SVIL: variants seen among roughly 807,000 people sequenced by gnomAD.
SVIL encodes supervillin, also known as archvillin.
A neutral mutation model predicts 240.4 loss-of-function variants in SVIL; 101 were observed. That is an observed-to-expected ratio of 0.42 (90% CI 0.36 to 0.50). The LOEUF (loss-of-function observed/expected upper bound fraction) is 0.50, where lower values mean the gene tolerates loss of function less well. Ranked by LOEUF, SVIL falls within the 20% of genes least tolerant of loss-of-function variation. The pLI is 0.01. For synonymous variants in SVIL, 999 were observed against 1,100.0 expected (o/e 0.91, Z 1.82); for missense variants, 2,512 against 2,818.7 (o/e 0.89, Z 2.46).
intron 3 of SVIL, among the ~76,000 whole-genome samples, chr10:29,649,602 C>CA (rs1198270978): frequency 6.6e-6 from 1 of 151,936 alleles, no homozygotes; most frequent in African/African-American, 2.4e-5. Flanking sequence ...ATTTTAGCTT[C>CA]AAAAAAATTG....
intron 1 of SVIL, among the ~76,000 whole-genome samples, chr10:29,606,753 A>AT (rs1327339267): frequency 2.6e-5 from 4 of 151,890 alleles, no homozygotes; most frequent in Non-Finnish European, 2.9e-5. Flanking sequence ...ACATTTAACT[A>AT]TTTTTTTATT....
At chr10:29,572,251 A>AT (rs949538551) in intron 1 of SVIL, among the ~76,000 whole-genome samples, 5 of 152,126 alleles carry the variant, frequency 3.3e-5, no homozygotes, top group Admixed American at 3.3e-4. Context: ...CATTTTTGCC[A>AT]TTTTTCTCTA....
Position 29,555,079 on chromosome 10 carries a change from T to C in SVIL, c.-21A>G, listed in dbSNP as rs1403537816. The C allele has an allele frequency of 1.2e-6, 2 of 1,612,826 alleles. No individual in the cohort carries two copies. The highest frequency in any genetic ancestry group is 1.3e-5 in the African/African-American group (1 of 74,758). On this transcript the variant is annotated 5_prime_UTR_variant, in exon 4 of 38. Coordinates refer to ENST00000355867, the MANE Select transcript of SVIL (RefSeq NM_021738.3). ...TTCATTTCTAAGAATTCTTTCTTCTTTGGTTCAAAGATTTGTCTTAATTCT... is the reference window on the plus strand; with the variant it reads ...TTCATTTCTAAGAATTCTTTCTTCTCTGGTTCAAAGATTTGTCTTAATTCT...
chr10:29,544,552 C>T (rs748334177), intron 6 of SVIL, among the ~76,000 whole-genome samples: 5 of 151,888 alleles, frequency 3.3e-5, no homozygotes, highest in Non-Finnish European at 7.4e-5. Flanking sequence ...ACCAGGAGTT[C>T]CAGACCAGCC....
intron 1 of SVIL, among the ~76,000 whole-genome samples, chr10:29,694,613 T>A (rs538835821): frequency 6.6e-6 from 1 of 152,212 alleles, no homozygotes; most frequent in East Asian, 1.9e-4. Flanking sequence ...GTGTGTGCCA[T>A]CATATCCAGC....
At chr10:29,689,518 T>G (rs1961341923) in intron 1 of SVIL, among the ~76,000 whole-genome samples, 2 of 152,202 alleles carry the variant, frequency 1.3e-5, no homozygotes, top group African/African-American at 2.4e-5. Flanking sequence ...ACTCCTGACC[T>G]CGTGATCTGC....
At chr10:29,622,667 CA>C (rs1957708715) in intron 1 of SVIL, among the ~76,000 whole-genome samples, 1 of 152,154 alleles carries the variant, frequency 6.6e-6, no homozygotes, top group African/African-American at 2.4e-5. Flanking sequence ...CAAAAACAAA[CA>C]AAACGCTATT....
intron 1 of SVIL, among the ~76,000 whole-genome samples, chr10:29,581,427 C>T (rs1302842794): frequency 5.9e-5 from 9 of 152,124 alleles, no homozygotes; most frequent in Non-Finnish European, 8.8e-5. Flanking sequence ...TTTGGACAAG[C>T]GTGCAAATAA....
intron 15 of SVIL, 66 bp downstream of exon 15, chr10:29,523,385 A>G (rs968473699): frequency 5.3e-5 from 77 of 1,441,792 alleles, no homozygotes; most frequent in Non-Finnish European, 6.6e-5. Context: ...TCATAGACAC[A>G]GGACAAATCA....
chr10:29,579,108 C>T (rs1320455963), intron 1 of SVIL, among the ~76,000 whole-genome samples: 1 of 152,172 alleles, frequency 6.6e-6, no homozygotes, highest in Non-Finnish European at 1.5e-5. Flanking sequence ...AGTTCCTGGG[C>T]ATCTAACAGG....
At chr10:29,537,912 G>A (rs1055162969) in intron 6 of SVIL, among the ~76,000 whole-genome samples, 3 of 152,108 alleles carry the variant, frequency 2.0e-5, no homozygotes, top group Non-Finnish European at 4.4e-5. Flanking sequence ...TTTGCCCACA[G>A]CAAATAAAAA....
At position 29,533,138 on chromosome 10, in the gene SVIL, A is replaced by G. The variant is rs1158934887; in HGVS notation, c.1229T>C (p.Leu410Pro). The change falls in exon 8 of 38, where the codon CTA (leucine) becomes CCA (proline). Residue 410 changes from leucine to proline, a missense_variant. By Grantham distance (98) the Leu-to-Pro change is moderately conservative (BLOSUM62 -3). Transcript: ENST00000355867. The stretch of plus-strand genomic sequence containing the variant: ...TGGGCTATCCCTTCCGTCACCTTCT[A>G]GAACCGTCAAGCTGGGAGGTTTGGG... ...NVPKPPSLTV[L>P]EGDGRDSPVL... 6.2e-7 allele frequency: 1 copy of G among 1,614,120 alleles called. No individual in the cohort carries two copies. Among genetic ancestry groups the G allele is most frequent in the Admixed American group, 1.7e-5 (1 of 60,014 alleles).
At chr10:29,540,974 T>C (rs1952106432) in intron 6 of SVIL, among the ~76,000 whole-genome samples, 1 of 152,206 alleles carries the variant, frequency 6.6e-6, no homozygotes, top group Non-Finnish European at 1.5e-5. Flanking sequence ...TTTTAAAATA[T>C]TTCATTCCAT....
rs114674570 is a variant in SVIL, at chr10:29,714,637, A to C, written c.-400+21114T>G. Among the ~76,000 whole-genome samples the C allele has an allele frequency of 7.4e-3, 1,129 of 152,254 alleles. 8 individuals are homozygous for C. Among genetic ancestry groups the C allele is most frequent in the African/African-American group, 0.025 (1,050 of 41,550 alleles). On this transcript the variant is annotated intron_variant, in intron 1 of 35. Coordinates refer to the SVIL transcript ENST00000375400. Reference sequence around the variant, plus strand: ...GCACAGAGCAAGAGTTTTGGAGATAAAAGAAAGTTTAGGAGGATCAGAGAC... The same window carrying C: ...GCACAGAGCAAGAGTTTTGGAGATACAAGAAAGTTTAGGAGGATCAGAGAC...
intron 6 of SVIL, among the ~76,000 whole-genome samples, chr10:29,541,443 A>T (rs1321695126): frequency 2.0e-5 from 3 of 152,210 alleles, no homozygotes; most frequent in Non-Finnish European, 4.4e-5. Context: ...TGTAAATTAT[A>T]CCTCATTTAA....
chr10:29,693,047 A>G (rs1176907382), intron 1 of SVIL, among the ~76,000 whole-genome samples: 1 of 152,166 alleles, frequency 6.6e-6, no homozygotes, highest in Non-Finnish European at 1.5e-5. Context: ...ACACAAAAAG[A>G]CTGCAACCTC....
intron 2 of SVIL, among the ~76,000 whole-genome samples, chr10:29,567,972 G>A (rs28623426): frequency 3.3e-5 from 5 of 149,938 alleles, no homozygotes; most frequent in East Asian, 4.0e-4. Context: ...AGCTGAGATC[G>A]CGTCACTGCA....
At chr10:29,636,422 AG>A (rs1449568208), upstream of SVIL, among the ~76,000 whole-genome samples, 1 of 152,210 alleles carries the variant, frequency 6.6e-6, no homozygotes, top group Non-Finnish European at 1.5e-5. Flanking sequence ...TCCTAAAAAA[AG>A]ATTCACTCCC....
intron 34 of SVIL, 81 bp from the exon 35 acceptor site, chr10:29,463,716 ATGT>A: frequency 6.5e-7 from 1 of 1,547,208 alleles, no homozygotes; most frequent in Non-Finnish European, 8.7e-7. Context: ...AACCTAGTGG[ATGT>A]TGTCCCTCTT....
Sources: allele counts gnomAD v4.1 joint callset (sites outside exome capture counted in the v4.1 genomes callset), GRCh38; gene constraint gnomAD v4.1.1; transcripts MANE v1.5; gene names NCBI Gene and HGNC (gene_info 2026-07-23, HGNC 2026-07-21).